Variants in SMYD3 observed in about 807,000 individuals in gnomAD.
SMYD3 encodes the protein histone-lysine N-methyltransferase SMYD3.
In SMYD3, 36 loss-of-function variants were observed where a neutral mutation model predicts 57.7. That is an observed-to-expected ratio of 0.62 (90% CI 0.48 to 0.82). SMYD3 has a LOEUF of 0.82. Ranked by LOEUF, SMYD3 falls within the 40% of genes least tolerant of loss-of-function variation. The pLI is 0.00. For missense variants in SMYD3, 515 were observed against 538.8 expected (o/e 0.96, Z 0.44); for synonymous variants, 211 against 195.0 (o/e 1.08, Z -0.68).
At chr1:245,872,529 C>G (rs2052263515) in intron 8 of SMYD3, among the ~76,000 whole-genome samples, 1 of 152,192 alleles carries the variant, frequency 6.6e-6, no homozygotes, top group Non-Finnish European at 1.5e-5. Flanking sequence ...GCAGCCCCGT[C>G]ACTCCCTTGG....
chr1:245,955,104 T>C, intron 5 of SMYD3, among the ~76,000 whole-genome samples: 1 of 152,130 alleles, frequency 6.6e-6, no homozygotes, highest in East Asian at 1.9e-4. Context: ...TGTTTTGTTT[T>C]TGTTTTTGTT....
chr1:246,138,581 A>C (rs1158711367), intron 5 of SMYD3, among the ~76,000 whole-genome samples: 1 of 110,098 alleles, frequency 9.1e-6, no homozygotes, highest in African/African-American at 2.6e-5. Context: ...TCCCGCCACC[A>C]CGCCCGGCTA....
At chr1:246,145,128 G>A (rs899682443) in intron 5 of SMYD3, among the ~76,000 whole-genome samples, 6 of 152,078 alleles carry the variant, frequency 3.9e-5, no homozygotes, top group Non-Finnish European at 8.8e-5. Flanking sequence ...TGGGCTCATG[G>A]GATCCTTCTG....
At chr1:246,019,337 T>C (rs115784316) in intron 5 of SMYD3, among the ~76,000 whole-genome samples, 5,082 of 152,294 alleles carry the variant, frequency 0.033, 285 homozygotes, top group African/African-American at 0.12. Flanking sequence ...GTCACTAGTG[T>C]CAAACGCTGC....
chr1:245,927,502 T>C (rs570914851), intron 7 of SMYD3, among the ~76,000 whole-genome samples: 2 of 152,320 alleles, frequency 1.3e-5, no homozygotes, highest in Admixed American at 6.5e-5. Flanking sequence ...ACCTTCAATG[T>C]AGCCAGTGGC....
intron 5 of SMYD3, among the ~76,000 whole-genome samples, chr1:246,239,234 C>A (rs2063561638): frequency 1.3e-5 from 2 of 152,152 alleles, no homozygotes; most frequent in African/African-American, 4.8e-5. Flanking sequence ...TGTCCTAATG[C>A]TATCCCTCCC....
At position 246,203,581 on chromosome 1, in the gene SMYD3, T is replaced by C. The variant is rs1165752387; in HGVS notation, c.531+123620A>G. On this transcript the variant is annotated intron_variant, in intron 5 of 11. Transcript: ENST00000490107. The surrounding 1 kb of genome is among the most constrained non-coding windows in gnomAD (Gnocchi z 4.6). ...CAGTCCCTCTGCGCACATGTGCTGTTGGTGTCTCTTCCTCTTCCTACAAGG... is the reference window on the plus strand; with the variant it reads ...CAGTCCCTCTGCGCACATGTGCTGTCGGTGTCTCTTCCTCTTCCTACAAGG... Among the ~76,000 whole-genome samples, 1 of 152,224 alleles carries C rather than the reference T, an allele frequency of 6.6e-6. No homozygotes were observed. Among genetic ancestry groups the C allele is most frequent in the African/African-American group, 2.4e-5 (1 of 41,458 alleles).
chr1:245,892,860 G>T (rs1169351308), intron 8 of SMYD3, among the ~76,000 whole-genome samples: 2 of 152,062 alleles, frequency 1.3e-5, no homozygotes, highest in African/African-American at 4.8e-5. Context: ...ACTGATCCAT[G>T]AAAGAAAAAT....
At chr1:245,899,113 G>T (rs894804138) in intron 8 of SMYD3, among the ~76,000 whole-genome samples, 2 of 152,184 alleles carry the variant, frequency 1.3e-5, no homozygotes, top group African/African-American at 4.8e-5. Flanking sequence ...GAAAACTGGT[G>T]AGATGAATTT....
chr1:246,148,083 A>G (rs907291768), intron 5 of SMYD3, among the ~76,000 whole-genome samples: 1 of 151,982 alleles, frequency 6.6e-6, no homozygotes, highest in Non-Finnish European at 1.5e-5. Context: ...CCTCCTTCAG[A>G]CCAGGGAGGG....
intron 5 of SMYD3, among the ~76,000 whole-genome samples, chr1:245,956,479 G>T (rs745684519): frequency 7.2e-5 from 11 of 152,116 alleles, no homozygotes; most frequent in South Asian, 2.1e-4. Context: ...TGACGTGTTG[G>T]GTGCCTACCC....
chr1:246,221,738 G>C (rs1454934005), intron 5 of SMYD3, among the ~76,000 whole-genome samples: 1 of 152,176 alleles, frequency 6.6e-6, no homozygotes, highest in Non-Finnish European at 1.5e-5. Context: ...CCCCACGTTT[G>C]CTGACACACA....
chr1:246,426,540 A>G (rs1262604116), intron 1 of SMYD3, among the ~76,000 whole-genome samples: 1 of 152,172 alleles, frequency 6.6e-6, no homozygotes, highest in African/African-American at 2.4e-5. Flanking sequence ...GGCTTCTTTC[A>G]CTTAGCATAA....
chr1:245,956,068 T>C (rs11805795), intron 5 of SMYD3: 1 of 983,480 alleles, frequency 1.0e-6, no homozygotes, highest in Non-Finnish European at 1.2e-6. Flanking sequence ...GTTATACAAA[T>C]AGATAACATT....
At chr1:246,482,303 G>A (rs568554478) in intron 1 of SMYD3, among the ~76,000 whole-genome samples, 3 of 152,248 alleles carry the variant, frequency 2.0e-5, no homozygotes, top group Admixed American at 1.3e-4. Flanking sequence ...CCACAGCAGT[G>A]CTCCTTAGTG....
At chr1:245,775,321 T>A (rs1318924492) in intron 10 of SMYD3, among the ~76,000 whole-genome samples, 1 of 152,148 alleles carries the variant, frequency 6.6e-6, no homozygotes, top group Non-Finnish European at 1.5e-5. Context: ...TGTTGCTGTG[T>A]CTGTGTAGAA....
At chr1:246,294,231 T>C (rs2148600207) in intron 5 of SMYD3, among the ~76,000 whole-genome samples, 1 of 152,174 alleles carries the variant, frequency 6.6e-6, no homozygotes, top group Non-Finnish European at 1.5e-5. Context: ...AATACCGGCG[T>C]CCCCAGCACA....
chr1:246,145,319 T>G (rs138655578), intron 5 of SMYD3, among the ~76,000 whole-genome samples: 1 of 152,224 alleles, frequency 6.6e-6, no homozygotes, highest in Non-Finnish European at 1.5e-5. Context: ...TTATAATGTA[T>G]GTAGTGTCAG....
intron 1 of SMYD3, among the ~76,000 whole-genome samples, chr1:246,384,039 A>C (rs900608250): frequency 5.3e-5 from 8 of 152,124 alleles, no homozygotes; most frequent in African/African-American, 1.9e-4. Context: ...TAGACAAAAC[A>C]ACCATTAAAA....
Sources: gnomAD v4.1 joint callset for allele counts (sites outside exome capture counted in the v4.1 genomes callset) on GRCh38, gnomAD v4.1.1 for gene constraint, Gnocchi (gnomAD v3.1) non-coding constraint, MANE v1.5 for transcripts, NCBI Gene and HGNC (gene_info 2026-07-23, HGNC 2026-07-21) for gene names.